The following NUP98 variants were observed in gnomAD, a reference collection of about 807,000 sequenced individuals.
NUP98 encodes the protein nuclear pore complex protein Nup98-Nup96.
In NUP98, 26 loss-of-function variants were observed where a neutral mutation model predicts 191.9. That is an observed-to-expected ratio of 0.14 (90% CI 0.10 to 0.19). The LOEUF (loss-of-function observed/expected upper bound fraction) is 0.19, where lower values mean the gene tolerates loss of function less well. Ranked by LOEUF, NUP98 falls within the 10% of genes least tolerant of loss-of-function variation. The pLI is 1.00. For synonymous variants in NUP98, 808 were observed against 778.4 expected, an observed-to-expected ratio of 1.04 and a Z score of -0.63; for missense variants, 1,941 against 2,178.8, an observed-to-expected ratio of 0.89 and a Z score of 2.17.
At chr11:3,771,370 C>T (rs2081526142) in intron 7 of NUP98, among the ~76,000 whole-genome samples, 1 of 152,142 alleles carries the variant, frequency 6.6e-6, no homozygotes. Flanking sequence ...CCTACAAAGT[C>T]GTATAAAATA....
chr11:3,750,729 G>T (rs2080718812), intron 11 of NUP98, among the ~76,000 whole-genome samples: 1 of 151,852 alleles, frequency 6.6e-6, no homozygotes, highest in African/African-American at 2.4e-5. Flanking sequence ...CCAGGCTGAA[G>T]CGATCCTCCC....
intron 15 of NUP98, among the ~76,000 whole-genome samples, chr11:3,723,892 A>G (rs1440409720): frequency 6.0e-5 from 9 of 150,532 alleles, no homozygotes; most frequent in Admixed American, 5.3e-4. Context: ...GTGCCAGTAT[A>G]TAAGGATTTT....
Position 3,758,797 on chromosome 11 carries a change from C to CAG in NUP98, c.1174+1740_1174+1741dup, listed in dbSNP as rs1451232728. Among the ~76,000 whole-genome samples the CAG allele has an allele frequency of 4.0e-5, 6 of 149,306 alleles. No individual in the cohort carries two copies. The East Asian group carries it at 1.2e-3, about 29-fold the overall frequency. ...AGAGAGACAGAGAGAGACAGAGAGA[C>CAG]AGAGACAGAGACAGAGAGAGACAGA... On this transcript the variant is annotated intron_variant, in intron 10 of 32. Transcript: ENST00000324932.
Position 3,705,292 on chromosome 11 carries a change from C to A in NUP98, c.2990G>T (p.Ser997Ile). 6.2e-7 allele frequency: 1 copy of A among 1,614,198 alleles called. No individual in the cohort carries two copies. The highest frequency in any genetic ancestry group is 8.5e-7 in the Non-Finnish European group (1 of 1,180,022). ...DVDMALDQRF[S>I]RLPSKADTSQ... ...AGTATCTGCTTTGGAAGGCAGGCGA[C>A]TGAAGCGTTGATCCAGTGCCATATC... The change falls in exon 22 of 33, where the codon AGT becomes ATT. Residue 997 changes from serine to isoleucine, a missense_variant. Physicochemically the swap from Ser to Ile is moderately radical, Grantham distance 142 (BLOSUM62 -2). Coordinates refer to ENST00000324932, the MANE Select transcript of NUP98 (RefSeq NM_016320.5).
intron 18 of NUP98, among the ~76,000 whole-genome samples, chr11:3,718,744 G>C (rs1316833130): frequency 6.6e-6 from 1 of 152,128 alleles, no homozygotes; most frequent in Non-Finnish European, 1.5e-5. Context: ...CTAAAATAGA[G>C]AGTTAAGTAT....
chr11:3,701,087 A>C (rs896097927), intron 23 of NUP98, among the ~76,000 whole-genome samples: 3 of 152,154 alleles, frequency 2.0e-5, no homozygotes, highest in African/African-American at 7.2e-5. Context: ...CAAGCATGAG[A>C]ATCCTAACAG....
intron 6 of NUP98, among the ~76,000 whole-genome samples, chr11:3,772,556 G>A (rs531056946): frequency 6.6e-6 from 1 of 152,288 alleles, no homozygotes; most frequent in Non-Finnish European, 1.5e-5. Flanking sequence ...TGCAGCTCAT[G>A]CCTGTAATCC....
At chr11:3,732,388 T>G (rs1481201871) in intron 13 of NUP98, among the ~76,000 whole-genome samples, 1 of 152,228 alleles carries the variant, frequency 6.6e-6, no homozygotes, top group Non-Finnish European at 1.5e-5. Context: ...AAACAGTATT[T>G]ATGTTCATTT....
intron 30 of NUP98, among the ~76,000 whole-genome samples, chr11:3,681,025 C>T (rs1386600618): frequency 6.6e-6 from 1 of 152,010 alleles, no homozygotes; most frequent in African/African-American, 2.4e-5. Context: ...CATGCCTGGC[C>T]AATCACAAAT....
intron 14 of NUP98, among the ~76,000 whole-genome samples, chr11:3,726,722 C>T (rs907861759): frequency 4.0e-5 from 6 of 151,872 alleles, no homozygotes; most frequent in Non-Finnish European, 8.8e-5. Context: ...ACTTCAGACC[C>T]ATCTATCATT....
chr11:3,730,218 G>A (rs1047609199), intron 14 of NUP98, among the ~76,000 whole-genome samples: 2 of 152,046 alleles, frequency 1.3e-5, no homozygotes, highest in African/African-American at 2.4e-5. Context: ...CTGGGTAACA[G>A]AGCGACTGTA....
chr11:3,770,489 G>A (rs993526524), intron 7 of NUP98, among the ~76,000 whole-genome samples: 4 of 98,406 alleles, frequency 4.1e-5, no homozygotes, highest in Admixed American at 1.1e-4. Context: ...CCTGTCTCAA[G>A]AAAAGAAAAG....
chr11:3,766,360 C>A (rs1205603726), intron 8 of NUP98, among the ~76,000 whole-genome samples: 1 of 150,096 alleles, frequency 6.7e-6, no homozygotes, highest in Non-Finnish European at 1.5e-5. Flanking sequence ...GTGACTGCAG[C>A]GAGGCCTGTC....
intron 20 of NUP98, 128 bp downstream of exon 20, chr11:3,712,436 C>T (rs757969601): frequency 3.4e-6 from 5 of 1,480,470 alleles, no homozygotes; most frequent in African/African-American, 2.8e-5. Flanking sequence ...CTTGTTTCAA[C>T]GTGATTGCCA....
chr11:3,731,293 T>TATC, intron 14 of NUP98, 98 bp downstream of exon 14: 1 of 822,952 alleles, frequency 1.2e-6, no homozygotes, highest in Non-Finnish European at 1.7e-6. Flanking sequence ...AAGTGGACTG[T>TATC]ATCACATCTA....
At chr11:3,732,794 G>A (rs1196219202) in intron 13 of NUP98, among the ~76,000 whole-genome samples, 2 of 152,278 alleles carry the variant, frequency 1.3e-5, no homozygotes, top group East Asian at 3.9e-4. Context: ...ACAATGTCTA[G>A]CATATCTAGT....
chr11:3,785,651 C>T lies in NUP98; in HGVS notation c.-28-3506G>A, dbSNP rs531651602. On this transcript the variant is annotated intron_variant, in intron 1 of 32. Transcript: ENST00000324932. ...GTGCACACCTGTGATTCCAGCTACT[C>T]GGGTGGCTAAGGCAGGAGAATCACT... Among the ~76,000 whole-genome samples, 23 of 152,148 alleles carry T rather than the reference C, an allele frequency of 1.5e-4. No individual in the cohort carries two copies. In the South Asian group the frequency reaches 1.7e-3, roughly 11 times the overall value.
chr11:3,690,684 G>C (rs554544266), intron 28 of NUP98, among the ~76,000 whole-genome samples: 22 of 152,144 alleles, frequency 1.4e-4, no homozygotes, highest in Non-Finnish European at 2.6e-4. Context: ...AAGAGGATTT[G>C]GAGCAACTAG....
chr11:3,752,823 C>T (rs1313724449), intron 11 of NUP98, among the ~76,000 whole-genome samples: 1 of 152,122 alleles, frequency 6.6e-6, no homozygotes, highest in African/African-American at 2.4e-5. Flanking sequence ...TTCAAAGGCA[C>T]TGAAAAATAG....
Sources: gnomAD v4.1 joint callset for allele counts (sites outside exome capture counted in the v4.1 genomes callset) on GRCh38, gnomAD v4.1.1 for gene constraint, MANE v1.5 for transcripts, NCBI Gene and HGNC (gene_info 2026-07-23, HGNC 2026-07-21) for gene names.